NTNG2: variants seen among roughly 807,000 people sequenced by gnomAD.
The protein encoded by NTNG2 is netrin G2.
Under a neutral mutation model 47.6 loss-of-function variants are expected in NTNG2, and 15 were observed. The ratio of observed to expected loss-of-function variants is 0.32; its 90% CI spans 0.21 to 0.49. The LOEUF (loss-of-function observed/expected upper bound fraction) is 0.49. NTNG2 is among the 20% of genes least tolerant of loss of function. The pLI, the probability that NTNG2 is intolerant of heterozygous loss-of-function variation, is 0.99. For missense variants in NTNG2, 578 were observed against 764.6 expected (o/e 0.76, Z 2.88); for synonymous variants, 307 against 324.6 (o/e 0.95, Z 0.58).
chr9:132,232,220 T>TCCCCACCTGG (rs1841286677), intron 5 of NTNG2: 1 of 152,526 alleles, frequency 6.6e-6, no homozygotes, highest in Non-Finnish European at 1.5e-5. Flanking sequence ...CCACACCCTG[T>TCCCCACCTGG]CCCCACCTGG....
chr9:132,189,410 T>TA (rs200296152), intron 2 of NTNG2, among the ~76,000 whole-genome samples: 2,256 of 132,498 alleles, frequency 0.017, 61 homozygotes, highest in African/African-American at 0.06. Context: ...ACGATTGGCT[T>TA]AAAAAAAAGG....
chr9:132,174,374 A>T (rs1665299529), intron 2 of NTNG2, among the ~76,000 whole-genome samples: 1 of 147,100 alleles, frequency 6.8e-6, no homozygotes, highest in African/African-American at 2.7e-5. Context: ...GGACAGATGG[A>T]CGGACGGACA....
intron 2 of NTNG2, among the ~76,000 whole-genome samples, chr9:132,192,824 GA>G (rs1443875824): frequency 6.6e-6 from 1 of 152,236 alleles, no homozygotes; most frequent in Non-Finnish European, 1.5e-5. Context: ...CGCGGCTCGG[GA>G]TTTATTTATT....
intron 3 of NTNG2, among the ~76,000 whole-genome samples, chr9:132,223,481 A>G (rs1044140932): frequency 3.3e-5 from 5 of 152,138 alleles, no homozygotes; most frequent in Admixed American, 6.5e-5. Context: ...GGGGAGTGTG[A>G]GGTGAGAAAA....
chr9:132,239,067 G>T, intron 5 of NTNG2, 37 bp from the exon 6 acceptor site: 1 of 1,598,318 alleles, frequency 6.3e-7, no homozygotes, highest in Non-Finnish European at 8.6e-7. Flanking sequence ...CTGAATGCTC[G>T]CTGACCATTG....
rs1263377020 is a variant in NTNG2 at position 132,182,206 on chromosome 9, T to C, written c.213+15162T>C. On this transcript the variant is annotated intron_variant, in intron 2 of 7. Coordinates refer to ENST00000393229, the MANE Select transcript of NTNG2 (RefSeq NM_032536.4). This position sits in a 1 kb window ranked among gnomAD's most constrained non-coding sequence, Gnocchi z 4.2. Reference sequence around the variant, plus strand: ...CGCACCAGCTCTGGGGAAGGCGAGATGGCTTTGCCTGGAGGAACCTGATTG... The same window carrying C: ...CGCACCAGCTCTGGGGAAGGCGAGACGGCTTTGCCTGGAGGAACCTGATTG... Among the ~76,000 whole-genome samples, 2 of 152,270 alleles carry C rather than the reference T, an allele frequency of 1.3e-5. No homozygotes were observed. The highest frequency in any genetic ancestry group is 2.9e-5 in the Non-Finnish European group (2 of 68,052).
At chr9:132,190,016 G>A (rs1193478175) in intron 2 of NTNG2, among the ~76,000 whole-genome samples, 1 of 148,174 alleles carries the variant, frequency 6.7e-6, no homozygotes, top group Admixed American at 6.7e-5. Flanking sequence ...GGCGGCTCAT[G>A]AGGTCAGGAG....
chr9:132,222,129 C>A (rs1384812600), intron 3 of NTNG2, among the ~76,000 whole-genome samples: 1 of 152,236 alleles, frequency 6.6e-6, no homozygotes, highest in Non-Finnish European at 1.5e-5. Context: ...TTCTTCCCTG[C>A]AGGTCTTGTC....
chr9:132,220,749 C>A (rs941054435), intron 3 of NTNG2, among the ~76,000 whole-genome samples: 3 of 152,076 alleles, frequency 2.0e-5, no homozygotes, highest in Non-Finnish European at 4.4e-5. Flanking sequence ...CACCTGGCTC[C>A]CTACGTTTCC....
chr9:132,168,141 C>A (rs576887903), intron 2 of NTNG2, among the ~76,000 whole-genome samples: 118 of 152,332 alleles, frequency 7.7e-4, no homozygotes, highest in Admixed American at 2.8e-3. Flanking sequence ...AGGCATCTGG[C>A]CAAGGTCACA....
At position 132,238,938 on chromosome 9, in the gene NTNG2, C is replaced by A. The variant is rs146182441; in HGVS notation, c.1055-166C>A. 197 of 712,124 alleles carry A rather than the reference C, an allele frequency of 2.8e-4. 1 individual carries two copies. In the East Asian group the frequency reaches 5.3e-3, roughly 19 times the overall value. 44.1% of individuals were successfully genotyped at this position (712,124 alleles called of 1,614,324 possible). A position where few individuals can be genotyped will look rare whatever the true frequency, so the allele number is the denominator to read the frequency against. On this transcript the variant is annotated intron_variant, in intron 5 of 7. Coordinates refer to ENST00000393229, the MANE Select transcript of NTNG2 (RefSeq NM_032536.4). ...TCAAAGCAGGGAGGCCTCTCTCTTCCTGAATCCGATGGAAGGGTGGGAGGC... is the reference window on the plus strand; with the variant it reads ...TCAAAGCAGGGAGGCCTCTCTCTTCATGAATCCGATGGAAGGGTGGGAGGC...
Position 132,197,842 on chromosome 9 carries a change from C to A in NTNG2, c.214-124C>A. The A allele has an allele frequency of 1.1e-6, 1 of 882,088 alleles. No individual in the cohort carries two copies. Among genetic ancestry groups the A allele is most frequent in the Non-Finnish European group, 1.7e-6 (1 of 588,684 alleles). 54.6% of individuals were successfully genotyped at this position (882,088 alleles called of 1,614,324 possible). On this transcript the variant is annotated intron_variant, in intron 2 of 7. Coordinates refer to ENST00000393229, the MANE Select transcript of NTNG2 (RefSeq NM_032536.4). The surrounding 1 kb of genome is among the most constrained non-coding windows in gnomAD (Gnocchi z 4.3). ...TCCCAGCTGTGTCTGGGCACCGGAGCACAGGCCCTGTAGCCACAGAGCAGG... is the reference window on the plus strand; with the variant it reads ...TCCCAGCTGTGTCTGGGCACCGGAGAACAGGCCCTGTAGCCACAGAGCAGG...
At chr9:132,239,018 C>A in intron 5 of NTNG2, 86 bp from the exon 6 acceptor site, 1 of 1,381,018 alleles carries the variant, frequency 7.2e-7, no homozygotes, top group Non-Finnish European at 1.0e-6. Context: ...CCCTGCATGA[C>A]CTGGGGTGAG....
At chr9:132,213,099 C>G (rs529291670) in intron 3 of NTNG2, among the ~76,000 whole-genome samples, 1 of 152,076 alleles carries the variant, frequency 6.6e-6, no homozygotes, top group Admixed American at 6.6e-5. Flanking sequence ...CACCTGAGGT[C>G]GGGAGCTCAA....
At chr9:132,235,765 C>G (rs78187358) in intron 5 of NTNG2, among the ~76,000 whole-genome samples, 2 of 152,212 alleles carry the variant, frequency 1.3e-5, no homozygotes, top group Non-Finnish European at 2.9e-5. Flanking sequence ...CCCGGGGAAG[C>G]GCCCTCTTAG....
chr9:132,241,820 G>A, intron 7 of NTNG2, 56 bp from the exon 8 acceptor site: 1 of 1,334,020 alleles, frequency 7.5e-7, no homozygotes, highest in South Asian at 1.3e-5. Flanking sequence ...CAGGAGCTCG[G>A]AGGTTGGCGG....
At chr9:132,164,216 T>G (rs1449856828) in intron 1 of NTNG2, among the ~76,000 whole-genome samples, 1 of 152,174 alleles carries the variant, frequency 6.6e-6, no homozygotes, top group Non-Finnish European at 1.5e-5. Context: ...GTTGTTAGGG[T>G]TTTTTAAATT....
intron 3 of NTNG2, among the ~76,000 whole-genome samples, chr9:132,217,066 G>C (rs1308329464): frequency 6.6e-6 from 1 of 152,198 alleles, no homozygotes; most frequent in African/African-American, 2.4e-5. Flanking sequence ...CTAGTGCCAT[G>C]CAGCCCCGAG....
At chr9:132,224,986 A>AAAC (rs1391321384) in intron 3 of NTNG2, among the ~76,000 whole-genome samples, 10 of 151,722 alleles carry the variant, frequency 6.6e-5, no homozygotes, top group East Asian at 3.9e-4. Flanking sequence ...GCAGTGGTGC[A>AAAC]ATGGCTCACT....
Sources: gnomAD v4.1 joint callset for allele counts (sites outside exome capture counted in the v4.1 genomes callset) on GRCh38, gnomAD v4.1.1 for gene constraint, Gnocchi (gnomAD v3.1) non-coding constraint, MANE v1.5 for transcripts, NCBI Gene and HGNC (gene_info 2026-07-23, HGNC 2026-07-21) for gene names.